SLC30A6: variants seen among roughly 807,000 people sequenced by gnomAD.
SLC30A6 encodes zinc transporter 6.
A neutral mutation model predicts 63.0 loss-of-function variants in SLC30A6; 55 were observed. The ratio of observed to expected loss-of-function variants is 0.87; its 90% CI spans 0.70 to 1.09. The LOEUF is 1.09. Ranked by LOEUF, SLC30A6 falls within the 50% of genes least tolerant of loss-of-function variation. SLC30A6 has a pLI of 0.00. For synonymous variants in SLC30A6, 224 were observed against 186.1 expected (o/e 1.20, Z -1.66); for missense variants, 587 against 549.2 (o/e 1.07, Z -0.69).
At chr2:32,201,714 A>G in intron 10 of SLC30A6, 1 of 1,382,442 alleles carries the variant, frequency 7.2e-7, no homozygotes, top group Non-Finnish European at 1.0e-6. Flanking sequence ...AGTTTCGGCT[A>G]ATGGATTATG....
Position 32,220,802 on chromosome 2 carries a change from T to A in SLC30A6, c.*89T>A. 1 of 1,163,896 alleles carries A rather than the reference T, an allele frequency of 8.6e-7. No homozygotes were observed. The highest frequency in any genetic ancestry group is 2.4e-5 in the Admixed American group (1 of 41,190). The allele number at this position is 1,163,896 out of a possible 1,614,324, so 72.1% of individuals were successfully genotyped here. A position where few individuals can be genotyped will look rare whatever the true frequency, so the allele number is the denominator to read the frequency against. ...AACTTTGCATTGACTGTTTAATCAT[T>A]TACTCTAAATGTTAGATAATAGTAG... is the stretch of plus-strand genomic sequence containing the variant. On this transcript the variant is annotated 3_prime_UTR_variant, in exon 14 of 14. Transcript: ENST00000282587.
rs551562189 is a variant in SLC30A6 at position 32,223,878 on chromosome 2, C to G, written c.*3165C>G. ...AAACATCTTCCCTTTCTTCTTTAAT[C>G]TCTGAAGTCATGTTTGGAATTACAT... is the stretch of plus-strand genomic sequence containing the variant. On this transcript the variant is annotated 3_prime_UTR_variant, in exon 14 of 14. Transcript: ENST00000282587. 1 of 152,260 alleles carries G rather than the reference C, an allele frequency of 6.6e-6. No individual in the cohort carries two copies. The highest frequency in any genetic ancestry group is 2.1e-4 in the South Asian group (1 of 4,820). The allele number at this position is 152,260 out of a possible 1,614,324, so 9.4% of individuals were successfully genotyped here.
intron 5 of SLC30A6, chr2:32,187,297 A>G (rs1001296201): frequency 4.3e-6 from 2 of 466,960 alleles, no homozygotes; most frequent in African/African-American, 2.0e-5. Context: ...TTAAAATAAT[A>G]TTTATGGTAG....
In SLC30A6 at chr2:32,206,884, A is replaced by T; in HGVS notation, c.769-2A>T. 6.2e-7 allele frequency: 1 copy of T among 1,611,396 alleles called. No individual in the cohort carries two copies. The highest frequency in any genetic ancestry group is 1.3e-5 in the African/African-American group (1 of 74,994). On this transcript the variant is annotated splice_acceptor_variant, in intron 11 of 13. Transcript: ENST00000282587. LOFTEE classifies it high-confidence loss of function. ...TTCATATTTTATTGTATTTTTCCCC[A>T]GACAACACCACCCCATGTTATTGGT...
At chr2:32,172,471 C>G (rs1429104952) in intron 2 of SLC30A6, among the ~76,000 whole-genome samples, 1 of 152,030 alleles carries the variant, frequency 6.6e-6, no homozygotes, top group African/African-American at 2.4e-5. Context: ...TCCTCAGCCT[C>G]TTGAGTAGCT....
intron 6 of SLC30A6, 78 bp from the exon 7 acceptor site, chr2:32,192,840 G>T: frequency 1.1e-6 from 1 of 892,968 alleles, no homozygotes; most frequent in South Asian, 2.1e-5. Context: ...ACTTTAAGGT[G>T]GGTGAATGAT....
intron 7 of SLC30A6, 67 bp downstream of exon 7, chr2:32,193,020 C>A: frequency 2.8e-6 from 3 of 1,061,328 alleles, no homozygotes; most frequent in Non-Finnish European, 2.7e-6. Context: ...TATTATTAAA[C>A]AGTTGGCCAA....
At chr2:32,182,740 A>G (rs1315129086) in intron 4 of SLC30A6, among the ~76,000 whole-genome samples, 1 of 152,206 alleles carries the variant, frequency 6.6e-6, no homozygotes, top group Non-Finnish European at 1.5e-5. Flanking sequence ...ATCATTCAGG[A>G]AAGCAGCCAA....
intron 10 of SLC30A6, chr2:32,201,985 A>G (rs190264316): frequency 1.5e-6 from 2 of 1,348,488 alleles, no homozygotes; most frequent in Admixed American, 4.4e-5. Context: ...TCATAAGTCA[A>G]GAAGAAAAGA....
At chr2:32,169,894 G>T (rs933334470) in intron 1 of SLC30A6, among the ~76,000 whole-genome samples, 1 of 152,178 alleles carries the variant, frequency 6.6e-6, no homozygotes. Context: ...TGAATAATGA[G>T]CAGGTACTGA....
At chr2:32,185,975 C>A (rs972382151) in intron 5 of SLC30A6, among the ~76,000 whole-genome samples, 1 of 151,428 alleles carries the variant, frequency 6.6e-6, no homozygotes, top group African/African-American at 2.4e-5. Context: ...AAATGATCCA[C>A]CTATCTCTGC....
chr2:32,189,002 T>C (rs1477577121), intron 5 of SLC30A6, among the ~76,000 whole-genome samples: 1 of 152,218 alleles, frequency 6.6e-6, no homozygotes, highest in Non-Finnish European at 1.5e-5. Context: ...TGTCACAAAT[T>C]GCTTAATTGT....
At chr2:32,209,596 TA>T (rs1558421272) in intron 13 of SLC30A6, 35 bp downstream of exon 13, 1 of 1,489,376 alleles carries the variant, frequency 6.7e-7, no homozygotes, top group East Asian at 2.3e-5. Context: ...AGTTATAATT[TA>T]AAATATAGTC....
intron 10 of SLC30A6, 73 bp from the exon 11 acceptor site, chr2:32,204,517 T>C: frequency 1.5e-5 from 14 of 940,002 alleles, no homozygotes; most frequent in Non-Finnish European, 2.1e-5. Context: ...AGATAATTAA[T>C]GTTCAGGAGA....
chr2:32,166,412 C>T (rs997856020), intron 1 of SLC30A6, among the ~76,000 whole-genome samples: 2 of 152,056 alleles, frequency 1.3e-5, no homozygotes, highest in East Asian at 1.9e-4. Flanking sequence ...ATTTCATAAG[C>T]GCAGTAACTA....
intron 4 of SLC30A6, among the ~76,000 whole-genome samples, chr2:32,176,767 A>C (rs1234971613): frequency 2.0e-5 from 3 of 150,704 alleles, no homozygotes; most frequent in Non-Finnish European, 4.4e-5. Flanking sequence ...ACTTTACAAT[A>C]TTTTCTTTCT....
At chr2:32,188,368 G>T (rs745723574) in intron 5 of SLC30A6, among the ~76,000 whole-genome samples, 28 of 152,096 alleles carry the variant, frequency 1.8e-4, no homozygotes, top group Non-Finnish European at 1.5e-5. Flanking sequence ...TACCAAACAA[G>T]GTATTTGTTT....
rs761923356 is a variant in SLC30A6 at position 32,165,877 on chromosome 2, G to C, written c.-24G>C. On this transcript the variant is annotated 5_prime_UTR_variant, in exon 1 of 14. Coordinates refer to ENST00000282587, the MANE Select transcript of SLC30A6 (RefSeq NM_017964.5). The stretch of plus-strand genomic sequence containing the variant: ...ACTCGAGCACCCAGAACGGCTTCCG[G>C]CGGGAGCTGTGCAGCTCCTTATCAT... The C allele has an allele frequency of 5.3e-5, 85 of 1,613,892 alleles. No individual in the cohort carries two copies. The Admixed American group carries it at 1.4e-3, about 27-fold the overall frequency.
rs749457371 is a variant in SLC30A6 at position 32,209,523 on chromosome 2, C to G, written c.847C>G (p.Arg283Gly). ...TACCTTAGATGGAGTTTTAGAAGTC[C>G]GAAATGAACATTTTTGGACCCTAGG... ...VSTLDGVLEV[R>G]NEHFWTLGFG... Residue 283 changes from arginine (R) to glycine (G), a missense_variant, in exon 13 of 14, where the codon CGA becomes GGA. Arg to Gly is a moderately radical substitution (Grantham distance 125, BLOSUM62 -2). Transcript: ENST00000282587. 1 of 1,612,662 alleles carries G rather than the reference C, an allele frequency of 6.2e-7. No homozygotes were observed. Among genetic ancestry groups the G allele is most frequent in the Admixed American group, 1.7e-5 (1 of 59,742 alleles).
Sources: gnomAD v4.1 joint callset for allele counts (sites outside exome capture counted in the v4.1 genomes callset) on GRCh38, gnomAD v4.1.1 for gene constraint, MANE v1.5 for transcripts, NCBI Gene and HGNC (gene_info 2026-07-23, HGNC 2026-07-21) for gene names.